The following LRP2 variants were observed in gnomAD, a reference collection of about 807,000 sequenced individuals.
LRP2 encodes low-density lipoprotein receptor-related protein 2.
A neutral mutation model predicts 531.0 loss-of-function variants in LRP2; 172 were observed. The observed-to-expected ratio is 0.32, with a 90% confidence interval of 0.29 to 0.37. The LOEUF (loss-of-function observed/expected upper bound fraction) is 0.37. Ranked by LOEUF, LRP2 falls within the 10% of genes least tolerant of loss-of-function variation. LRP2 has a pLI of 1.00. For missense variants in LRP2, 5,167 were observed against 5,868.3 expected, an observed-to-expected ratio of 0.88 and a Z score of 3.90; for synonymous variants, 1,992 against 2,027.6, an observed-to-expected ratio of 0.98 and a Z score of 0.47.
chr2:169,347,010 C>A (rs755565374), intron 1 of LRP2, among the ~76,000 whole-genome samples: 4 of 152,124 alleles, frequency 2.6e-5, no homozygotes, highest in Non-Finnish European at 2.9e-5. Flanking sequence ...GCATAATAAC[C>A]CTTTATTCCC....
intron 3 of LRP2, among the ~76,000 whole-genome samples, 173 bp downstream of exon 3, chr2:169,318,589 G>A (rs750094117): frequency 1.3e-4 from 20 of 152,106 alleles, no homozygotes; most frequent in Admixed American, 2.6e-4. Flanking sequence ...CAGTACATCC[G>A]TACTTTCAAT....
chr2:169,198,290 C>G (rs958574179), intron 45 of LRP2, among the ~76,000 whole-genome samples: 1 of 151,804 alleles, frequency 6.6e-6, no homozygotes, highest in African/African-American at 2.4e-5. Flanking sequence ...GTCACATGCA[C>G]GTAATCCCAG....
chr2:169,305,809 T>C (rs527870406), intron 4 of LRP2, among the ~76,000 whole-genome samples: 13 of 152,340 alleles, frequency 8.5e-5, no homozygotes, highest in Non-Finnish European at 1.3e-4. Flanking sequence ...ATATTTTTGC[T>C]GTACCTTTTC....
intron 16 of LRP2, among the ~76,000 whole-genome samples, chr2:169,260,308 T>C (rs934408089): frequency 6.6e-6 from 1 of 152,066 alleles, no homozygotes; most frequent in Non-Finnish European, 1.5e-5. Context: ...ATGGGCCACA[T>C]GGCAAAGCAG....
At position 169,212,165 on chromosome 2, in the gene LRP2, G is replaced by A. The variant is rs976907840; in HGVS notation, c.6083C>T (p.Ala2028Val). The A allele has an allele frequency of 6.2e-7, 1 of 1,614,036 alleles. No homozygotes were observed. Among genetic ancestry groups the A allele is most frequent in the South Asian group, 1.1e-5 (1 of 91,084 alleles). The change falls in exon 37 of 79, where the codon GCC (alanine) becomes GTC (valine). Residue 2028 changes from alanine (A) to valine (V), a missense_variant. Transcript: ENST00000649046. ...TACAGGCAGGCAAATCTGCTGACAG[G>A]CATTCATGTTGTTGCTACAGCCATT... The part of the protein sequence containing the change: ...SSNGCSNNMN[A>V]CQQICLPVPG...
intron 1 of LRP2, among the ~76,000 whole-genome samples, chr2:169,329,822 G>A (rs1685217922): frequency 6.6e-6 from 1 of 152,178 alleles, no homozygotes; most frequent in Admixed American, 6.5e-5. Context: ...CCATGAGGGA[G>A]GGGTCCCCAG....
chr2:169,277,763 G>T lies in LRP2; in HGVS notation c.1754C>A (p.Thr585Asn). 6.2e-7 allele frequency: 1 copy of T among 1,613,952 alleles called. No homozygotes were observed. Among genetic ancestry groups the T allele is most frequent in the Non-Finnish European group, 8.5e-7 (1 of 1,179,920 alleles). The change falls in exon 13 of 79, where the codon ACT (threonine) becomes AAT (asparagine). Residue 585 changes from threonine (T) to asparagine (N), a missense_variant. Transcript: ENST00000649046. ...TTCTTACCTTTGAATTCCATCATAA[G>T]TTACAGTTTCAATGTAATCAAACCG... The part of the protein sequence containing the change: ...DSRFDYIETV[T>N]YDGIQRKTVV...
chr2:169,177,748 A>T, intron 53 of LRP2, 55 bp downstream of exon 53: 1 of 1,403,712 alleles, frequency 7.1e-7, no homozygotes, highest in Non-Finnish European at 1.0e-6. Context: ...AAAGACAATC[A>T]TGACATGCAC....
Position 169,237,086 on chromosome 2 carries a change from T to C in LRP2, c.4691+17A>G. On this transcript the variant is annotated intron_variant, in intron 28 of 78. Transcript: ENST00000649046. The stretch of plus-strand genomic sequence containing the variant: ...ATAACCATGTCAAGGCAACATAATT[T>C]TAAAAAAAAGTCTTACTTCATTCTG... The C allele has an allele frequency of 6.2e-7, 1 of 1,608,582 alleles. No homozygotes were observed.
chr2:169,335,554 C>A (rs1685380271), intron 1 of LRP2, among the ~76,000 whole-genome samples: 1 of 152,184 alleles, frequency 6.6e-6, no homozygotes, highest in Non-Finnish European at 1.5e-5. Flanking sequence ...GTAGCCCATG[C>A]CTGTAACCCC....
At chr2:169,232,543 CAGAG>C (rs951831464) in intron 30 of LRP2, among the ~76,000 whole-genome samples, 1 of 150,866 alleles carries the variant, frequency 6.6e-6, no homozygotes, top group Admixed American at 6.6e-5. Flanking sequence ...CAACTAAACT[CAGAG>C]AGAGAGAGAG....
intron 58 of LRP2, 143 bp downstream of exon 58, chr2:169,171,872 T>G (rs1360090238): frequency 1.0e-6 from 1 of 988,078 alleles, no homozygotes; most frequent in Admixed American, 1.9e-5. Flanking sequence ...AGAAATGTAC[T>G]GACCAGCAGA....
Position 169,231,774 on chromosome 2 carries a change from A to G in LRP2, c.5167T>C (p.Tyr1723His), listed in dbSNP as rs755544114. ...CATCCTGAAGGACAAACACAGGAGTAAAAATGAGGCCCCTGTGAGGAAAGC... is the reference window on the plus strand; with the variant it reads ...CATCCTGAAGGACAAACACAGGAGTGAAAATGAGGCCCCTGTGAGGAAAGC... ...CLLSSQGPHF[Y>H]SCVCPSGWSL... is the part of the protein sequence containing the mutation. The change falls in exon 31 of 79, where the codon TAC (tyrosine) becomes CAC (histidine). Residue 1723 changes from tyrosine (Y) to histidine (H), a missense_variant. Tyr to His is a moderately conservative substitution (Grantham distance 83, BLOSUM62 2). Coordinates refer to ENST00000649046, the MANE Select transcript of LRP2 (RefSeq NM_004525.3). The G allele has an allele frequency of 8.1e-6, 13 of 1,614,150 alleles. No homozygotes were observed. The highest frequency in any genetic ancestry group is 1.1e-5 in the South Asian group (1 of 91,090).
At chr2:169,211,079 C>G (rs1345569897) in intron 37 of LRP2, among the ~76,000 whole-genome samples, 1 of 152,058 alleles carries the variant, frequency 6.6e-6, no homozygotes, top group Non-Finnish European at 1.5e-5. Context: ...TAACTTAGAT[C>G]CATAACTTTT....
intron 70 of LRP2, among the ~76,000 whole-genome samples, chr2:169,144,527 G>T (rs149582421): frequency 8.8e-4 from 134 of 152,284 alleles, no homozygotes; most frequent in African/African-American, 3.0e-3. Flanking sequence ...GTAGGGAGGG[G>T]AGATAGCCTT....
intron 1 of LRP2, among the ~76,000 whole-genome samples, chr2:169,347,766 A>G (rs1685733345): frequency 6.6e-6 from 1 of 152,112 alleles, no homozygotes; most frequent in Non-Finnish European, 1.5e-5. Context: ...CTCTGTCTAT[A>G]CTCTGCAGTA....
At chr2:169,135,912 G>A (rs376951210) in intron 76 of LRP2, among the ~76,000 whole-genome samples, 20 of 152,002 alleles carry the variant, frequency 1.3e-4, no homozygotes, top group African/African-American at 3.9e-4. Flanking sequence ...GGTTTACACT[G>A]TTTCTCCAAG....
rs2075252 is a variant in LRP2 at position 169,154,475 on chromosome 2, T to C, written c.12280A>G (p.Lys4094Glu). Residue 4094 changes from lysine (K) to glutamate (E), a missense_variant, in exon 66 of 79, where the codon AAG becomes GAG. This residue lies in a region of LRP2 where 564 missense variants were observed against 747.7 expected (regional missense o/e 0.75). Transcript: ENST00000649046. The stretch of plus-strand genomic sequence containing the variant: ...TTATACTCACTGAGGCCTATGTCCT[T>C]GGGATCCCAATCATAATCAACAGCT... Reference protein sequence around the residue: ...IQAVDYDWDPKDIGLSVVYYT... With the variant: ...IQAVDYDWDPEDIGLSVVYYT... 0.76 allele frequency: 1,226,555 copies of C among 1,610,506 alleles called. 470,910 individuals carry two copies. The highest frequency in any genetic ancestry group is 0.9 in the African/African-American group (67,183 of 74,926).
rs1364700681 is a variant in LRP2 at position 169,137,714 on chromosome 2, G to GTAACA, written c.13519-226_13519-222dup. 4.2e-5 allele frequency among the ~76,000 whole-genome samples: 6 copies of GTAACA among 142,530 alleles called. No individual in the cohort carries two copies. The South Asian group carries it at 1.3e-3, about 32-fold the overall frequency. The allele number at this position is 142,530 out of a possible 152,430, so 93.5% of individuals were successfully genotyped here. A position where few individuals can be genotyped will look rare whatever the true frequency, so the allele number is the denominator to read the frequency against. The stretch of plus-strand genomic sequence containing the variant: ...TCCATATGGCAAATTATTATGCAAA[G>GTAACA]TAACATAACATGCACTAATTTACCA... On this transcript the variant is annotated intron_variant, in intron 75 of 78. Coordinates refer to ENST00000649046, the MANE Select transcript of LRP2 (RefSeq NM_004525.3).
Sources: gnomAD v4.1 joint callset for allele counts (sites outside exome capture counted in the v4.1 genomes callset) on GRCh38, gnomAD v4.1.1 for gene constraint, gnomAD v4.1.1 regional missense constraint, MANE v1.5 for transcripts, NCBI Gene and HGNC (gene_info 2026-07-23, HGNC 2026-07-21) for gene names.